Variants in RASA3 observed in about 807,000 individuals in gnomAD.
The protein encoded by RASA3 is ras GTPase-activating protein 3.
In RASA3, 73 loss-of-function variants were observed where a neutral mutation model predicts 110.0. That is an observed-to-expected ratio of 0.66 (90% CI 0.55 to 0.81). RASA3 has a LOEUF of 0.81. RASA3 is among the 30% of genes least tolerant of loss of function. The pLI is 0.00. For synonymous variants in RASA3, 500 were observed against 451.4 expected, an observed-to-expected ratio of 1.11 and a Z score of -1.37; for missense variants, 976 against 1,113.2, an observed-to-expected ratio of 0.88 and a Z score of 1.75.
intron 20 of RASA3, among the ~76,000 whole-genome samples, chr13:113,998,845 G>A (rs1007978073): frequency 3.3e-5 from 5 of 152,254 alleles, no homozygotes; most frequent in Admixed American, 2.0e-4. Context: ...AGAATGCAGC[G>A]CAGACTGGAT....
intron 21 of RASA3, among the ~76,000 whole-genome samples, chr13:113,993,680 C>G (rs1003963413): frequency 6.6e-6 from 1 of 151,374 alleles, no homozygotes; most frequent in African/African-American, 2.4e-5. Context: ...TGGTGGTGCA[C>G]ACCTATAATC....
At chr13:114,103,979 G>T (rs867348709) in intron 1 of RASA3, among the ~76,000 whole-genome samples, 1 of 13,978 alleles carries the variant, frequency 7.2e-5, no homozygotes, top group Non-Finnish European at 1.5e-4. Context: ...CCACACTGCC[G>T]CCGGCCACAG....
At chr13:114,117,521 G>A (rs2080303069) in intron 1 of RASA3, among the ~76,000 whole-genome samples, 1 of 146,834 alleles carries the variant, frequency 6.8e-6, no homozygotes, top group African/African-American at 2.5e-5. Context: ...GGGTGAGCAT[G>A]TGCGTGAGGG....
intron 4 of RASA3, among the ~76,000 whole-genome samples, chr13:114,030,998 C>T (rs1328299652): frequency 3.3e-5 from 5 of 150,738 alleles, no homozygotes; most frequent in African/African-American, 7.3e-5. Flanking sequence ...CCTGTGTGTG[C>T]GGCTGTGTGT....
chr13:113,992,016 C>T (rs1230605623), intron 22 of RASA3, among the ~76,000 whole-genome samples: 1 of 151,912 alleles, frequency 6.6e-6, no homozygotes, highest in Non-Finnish European at 1.5e-5. Flanking sequence ...CACATGTCCA[C>T]ATTCACACAT....
chr13:114,010,794 G>GGGGCCGCGTGGGGAGGAGA (rs2053619820), intron 16 of RASA3, among the ~76,000 whole-genome samples: 1 of 30,794 alleles, frequency 3.2e-5, no homozygotes, highest in Non-Finnish European at 6.0e-5. Context: ...TGGGGAGGAG[G>GGGGCCGCGTGGGGAGGAGA]GGGCCGCGAG....
In RASA3 at chr13:114,007,463, C is replaced by A. The variant is rs2139208243; in HGVS notation, c.1742+70G>T. 3.8e-6 allele frequency: 3 copies of A among 795,032 alleles called. No homozygotes were observed. In the East Asian group the frequency reaches 8.5e-5, roughly 22 times the overall value. The allele number at this position is 795,032 out of a possible 1,614,324, so 49.2% of individuals were successfully genotyped here. The stretch of plus-strand genomic sequence containing the variant: ...GGACACCACCTTACCCTTCTCCCCT[C>A]CTGCCCTGCTGGACACCACCTTACC... On this transcript the variant is annotated intron_variant, in intron 18 of 23. Transcript: ENST00000334062.
chr13:114,050,495 G>A (rs1444104654), intron 3 of RASA3, among the ~76,000 whole-genome samples: 1 of 152,254 alleles, frequency 6.6e-6, no homozygotes. Flanking sequence ...CTTGGGTACA[G>A]TGAACAACAG....
chr13:114,123,032 C>A (rs2080398944), intron 1 of RASA3, among the ~76,000 whole-genome samples: 1 of 152,240 alleles, frequency 6.6e-6, no homozygotes, highest in African/African-American at 2.4e-5. Context: ...CTTCCTGGGT[C>A]CCTACACCCT....
Position 113,979,281 on chromosome 13 carries a change from T to G in RASA3, c.*66A>C, listed in dbSNP as rs1006423190. ...CGGCTCTGCGCTCTTCCTTCTCTTC[T>G]CCCTCCCAAAGGCTGCGGCTTTGCA... On this transcript the variant is annotated 3_prime_UTR_variant, in exon 24 of 24. Transcript: ENST00000334062. 3 of 1,428,604 alleles carry G rather than the reference T, an allele frequency of 2.1e-6. No homozygotes were observed. In the African/African-American group the frequency reaches 4.2e-5, roughly 20 times the overall value. 88.5% of individuals were successfully genotyped at this position (1,428,604 alleles called of 1,614,324 possible). A position where few individuals can be genotyped will look rare whatever the true frequency, so the allele number is the denominator to read the frequency against.
rs151017747 is a variant in RASA3 at position 113,979,370 on chromosome 13, C to T, written c.2482G>A (p.Glu828Lys). Reference protein sequence around the residue: ...SFQNYIRQQSETSTHSI With the variant: ...SFQNYIRQQSKTSTHSI The stretch of plus-strand genomic sequence containing the variant: ...CTTTAAATGGAATGAGTGGAGGTCT[C>T]GGACTGCTGCCGGATGTAGTTCTGG... Residue 828 changes from glutamate to lysine, a missense_variant, in exon 24 of 24, where the codon GAG becomes AAG. This residue lies in a region of RASA3 where 132 missense variants were observed against 152.8 expected (regional missense o/e 0.86). Coordinates refer to ENST00000334062, the MANE Select transcript of RASA3 (RefSeq NM_007368.4). 1.2e-5 allele frequency: 19 copies of T among 1,606,474 alleles called. No homozygotes were observed. The highest frequency in any genetic ancestry group is 1.5e-5 in the Non-Finnish European group (18 of 1,173,344).
intron 2 of RASA3, among the ~76,000 whole-genome samples, chr13:114,070,152 A>T (rs1359233354): frequency 3.6e-5 from 3 of 82,888 alleles, no homozygotes; most frequent in African/African-American, 1.5e-4. Context: ...CGGCCGGGAG[A>T]CTCGGGGGTT....
chr13:114,065,515 G>C lies in RASA3; in HGVS notation c.173+8205C>G, dbSNP rs1265613866. Among the ~76,000 whole-genome samples the C allele has an allele frequency of 1.3e-5, 2 of 152,180 alleles. No homozygotes were observed. The highest frequency in any genetic ancestry group is 4.8e-5 in the African/African-American group (2 of 41,446). The stretch of plus-strand genomic sequence containing the variant: ...TGAGTCACTGCCTGACTCATCCTCA[G>C]AGGCGCCCCACAGAGAAGGGGCAAC... On this transcript the variant is annotated intron_variant, in intron 2 of 23. Coordinates refer to ENST00000334062, the MANE Select transcript of RASA3 (RefSeq NM_007368.4). This position sits in a 1 kb window ranked among gnomAD's most constrained non-coding sequence, Gnocchi z 4.1.
chr13:114,118,203 C>T (rs2080322534), intron 1 of RASA3, among the ~76,000 whole-genome samples: 1 of 152,014 alleles, frequency 6.6e-6, no homozygotes, highest in Non-Finnish European at 1.5e-5. Flanking sequence ...GCCAATATTT[C>T]CCTTATATCC....
At chr13:114,031,704 G>T (rs918718188) in intron 4 of RASA3, among the ~76,000 whole-genome samples, 1 of 152,194 alleles carries the variant, frequency 6.6e-6, no homozygotes, top group African/African-American at 2.4e-5. Flanking sequence ...AGCCTGAATG[G>T]CAATGAATGG....
chr13:114,098,954 C>T (rs1009752969), intron 1 of RASA3, among the ~76,000 whole-genome samples: 58 of 151,422 alleles, frequency 3.8e-4, no homozygotes, highest in African/African-American at 6.3e-4. Flanking sequence ...AGTCGGGGCC[C>T]GGCCACCCGA....
intron 1 of RASA3, chr13:114,078,006 A>C (rs900663356): frequency 6.1e-6 from 6 of 984,658 alleles, no homozygotes; most frequent in Admixed American, 6.2e-5. Context: ...AAAAAAAAAA[A>C]AACTCCTGAG....
intron 3 of RASA3, among the ~76,000 whole-genome samples, chr13:114,043,134 C>T (rs2054450109): frequency 6.9e-6 from 1 of 144,058 alleles, no homozygotes; most frequent in Admixed American, 6.8e-5. Flanking sequence ...TGTCTGCAAA[C>T]TCAGAGGGTC....
At chr13:114,131,778 A>G (rs924783512) in intron 1 of RASA3, among the ~76,000 whole-genome samples, 1 of 151,178 alleles carries the variant, frequency 6.6e-6, no homozygotes, top group Non-Finnish European at 1.5e-5. Flanking sequence ...ACACGCGCGC[A>G]CACATGCATC....
Sources: allele counts gnomAD v4.1 joint callset (sites outside exome capture counted in the v4.1 genomes callset), GRCh38; gene constraint gnomAD v4.1.1; regional missense constraint gnomAD v4.1.1; non-coding constraint Gnocchi (gnomAD v3.1); transcripts MANE v1.5; gene names NCBI Gene and HGNC (gene_info 2026-07-23, HGNC 2026-07-21).